The following NOL4L variants were observed in gnomAD, a reference collection of about 807,000 sequenced individuals.
The protein encoded by NOL4L is nucleolar protein 4 like.
NOL4L carries 7 observed loss-of-function variants against 64.5 expected under a neutral mutation model. The observed-to-expected ratio is 0.11, with a 90% CI of 0.06 to 0.20. The LOEUF is 0.20. Among genes scored for constraint, NOL4L ranks in the 10% least tolerant of loss-of-function variants. The pLI, the probability that NOL4L is intolerant of heterozygous loss-of-function variation, is 1.00. For missense variants in NOL4L, 680 were observed against 967.1 expected, an observed-to-expected ratio of 0.70 and a Z score of 3.94; for synonymous variants, 413 against 401.0, an observed-to-expected ratio of 1.03 and a Z score of -0.36.
intron 4 of NOL4L, among the ~76,000 whole-genome samples, chr20:32,488,900 C>CTCTT (rs1284932622): frequency 8.2e-6 from 1 of 121,538 alleles, no homozygotes; most frequent in East Asian, 2.3e-4. Flanking sequence ...TCTTTCCTCT[C>CTCTT]TCTTTCTTTC....
At position 32,488,875 on chromosome 20, in the gene NOL4L, CT is replaced by C. The variant is rs201145025; in HGVS notation, c.700-14134del. 3.5e-3 allele frequency among the ~76,000 whole-genome samples: 302 copies of C among 85,848 alleles called. 4 individuals are homozygous for C. Among genetic ancestry groups the C allele is most frequent in the African/African-American group, 0.017 (278 of 16,710 alleles). 56.3% of individuals were successfully genotyped at this position (85,848 alleles called of 152,430 possible). On this transcript the variant is annotated intron_variant, in intron 4 of 10. Transcript: ENST00000621426. ...TCTTTCTTTCTTTCTTTCTTTCTTT[CT>C]TTCTTTCTTTCTTTCTTTCCTCTCT... is the stretch of plus-strand genomic sequence containing the variant.
At chr20:32,518,024 G>A (rs1206215856) in intron 3 of NOL4L, among the ~76,000 whole-genome samples, 2 of 152,170 alleles carry the variant, frequency 1.3e-5, no homozygotes, top group African/African-American at 4.8e-5. Flanking sequence ...GAACTGCTCA[G>A]AGAGGTTCCC....
rs1265287587 is a variant in NOL4L, at chr20:32,562,175, A to C, written c.321+22395T>G. 2.6e-5 allele frequency among the ~76,000 whole-genome samples: 4 copies of C among 152,158 alleles called. No individual in the cohort carries two copies. In the East Asian group the frequency reaches 7.7e-4, roughly 29 times the overall value. On this transcript the variant is annotated intron_variant, in intron 1 of 10. Coordinates refer to ENST00000621426, the MANE Select transcript of NOL4L (RefSeq NM_001256798.2). ...CACAGTCCACTCACTGGCCATAGGCAGAACTGAGGCTCCAGGAGGAATGGC... is the reference window on the plus strand; with the variant it reads ...CACAGTCCACTCACTGGCCATAGGCCGAACTGAGGCTCCAGGAGGAATGGC...
chr20:32,582,228 C>G (rs1980525335), intron 1 of NOL4L: 1 of 152,228 alleles, frequency 6.6e-6, no homozygotes, highest in African/African-American at 2.4e-5. Context: ...TGTCGATCTC[C>G]TGGCAGCCTG....
intron 1 of NOL4L, among the ~76,000 whole-genome samples, chr20:32,531,667 T>G (rs1014925393): frequency 1.2e-4 from 18 of 152,144 alleles, no homozygotes; most frequent in Non-Finnish European, 1.5e-4. Flanking sequence ...TTTATACCTC[T>G]TGAAAGTCAG....
intron 1 of NOL4L, among the ~76,000 whole-genome samples, chr20:32,557,494 A>C (rs1978734222): frequency 6.6e-6 from 1 of 152,224 alleles, no homozygotes; most frequent in South Asian, 2.1e-4. Context: ...GGGCATGCCC[A>C]GTGCTCCAGC....
intron 4 of NOL4L, among the ~76,000 whole-genome samples, chr20:32,495,892 G>A (rs1004025393): frequency 1.3e-5 from 2 of 152,126 alleles, no homozygotes; most frequent in Non-Finnish European, 2.9e-5. Context: ...AGGAGGTCAA[G>A]GCTGCAGTGA....
At chr20:32,507,032 T>C (rs1053359610) in intron 4 of NOL4L, among the ~76,000 whole-genome samples, 2 of 152,046 alleles carry the variant, frequency 1.3e-5, no homozygotes, top group African/African-American at 4.8e-5. Flanking sequence ...CCCACAGTCC[T>C]CCAGAGGTGA....
chr20:32,502,423 T>C (rs1312666782), intron 4 of NOL4L, among the ~76,000 whole-genome samples: 1 of 150,454 alleles, frequency 6.6e-6, no homozygotes, highest in Admixed American at 6.6e-5. Context: ...TGAAACCCCG[T>C]CTCTACTGAA....
Position 32,536,219 on chromosome 20 carries a change from C to A in NOL4L, c.322-8306G>T. ...CCTCCCGGGGCACCGCAGCCTAGGACAGGGAATCGGGAGTCACCGAAGGGG... is the reference window on the plus strand; with the variant it reads ...CCTCCCGGGGCACCGCAGCCTAGGAAAGGGAATCGGGAGTCACCGAAGGGG... On this transcript the variant is annotated intron_variant, in intron 1 of 10. Coordinates refer to ENST00000621426, the MANE Select transcript of NOL4L (RefSeq NM_001256798.2). 4 of 985,510 alleles carry A rather than the reference C, an allele frequency of 4.1e-6. No individual in the cohort carries two copies. In the South Asian group the frequency reaches 1.9e-4, roughly 46 times the overall value. The allele number at this position is 985,510 out of a possible 1,614,324, so 61.0% of individuals were successfully genotyped here.
chr20:32,444,919 GGGA>G lies in NOL4L; in HGVS notation c.*2674_*2676del, dbSNP rs1420993625. 6.7e-6 allele frequency: 1 copy of G among 149,696 alleles called. No homozygotes were observed. Among genetic ancestry groups the G allele is most frequent in the Non-Finnish European group, 1.5e-5 (1 of 67,766 alleles). 9.3% of individuals were successfully genotyped at this position (149,696 alleles called of 1,614,324 possible). A position where few individuals can be genotyped will look rare whatever the true frequency, so the allele number is the denominator to read the frequency against. On this transcript the variant is annotated 3_prime_UTR_variant, in exon 11 of 11. Coordinates refer to ENST00000621426, the MANE Select transcript of NOL4L (RefSeq NM_001256798.2). Reference sequence around the variant, plus strand: ...TGGTGCCCTCCAAGTCGGGAGTAGGGGGAAGGGGTTGAAGCTGCATCTTTTAAA... The same window carrying G: ...TGGTGCCCTCCAAGTCGGGAGTAGGGAGGGGTTGAAGCTGCATCTTTTAAA...
chr20:32,447,429 A>AAAAAATG lies in NOL4L; in HGVS notation c.*166_*167insCATTTTT. On this transcript the variant is annotated 3_prime_UTR_variant, in exon 11 of 11. Transcript: ENST00000621426. ...AAAAAAAAAAAAAAAAAAAAAAAAA[A>AAAAAATG]GTGTCCTTGTGCCCAAAGTCTCAGG... 1.3e-6 allele frequency: 1 copy of AAAAAATG among 757,714 alleles called. No homozygotes were observed. The allele number at this position is 757,714 out of a possible 1,614,324, so 46.9% of individuals were successfully genotyped here.
chr20:32,491,518 G>T (rs1457973411), intron 4 of NOL4L, among the ~76,000 whole-genome samples: 1 of 152,322 alleles, frequency 6.6e-6, no homozygotes, highest in East Asian at 1.9e-4. Flanking sequence ...CGCTCTGAGG[G>T]CTGGGACAGG....
At chr20:32,474,274 C>T (rs2145482106) in intron 5 of NOL4L, among the ~76,000 whole-genome samples, 1 of 152,348 alleles carries the variant, frequency 6.6e-6, no homozygotes, top group Non-Finnish European at 1.5e-5. Context: ...CACTGTGAAC[C>T]TTCCCAGGCC....
chr20:32,483,565 G>A, intron 4 of NOL4L: 2 of 972,594 alleles, frequency 2.1e-6, no homozygotes, highest in African/African-American at 3.8e-5. Context: ...GAGCAGCGGC[G>A]GCAGCGGCGG....
chr20:32,553,623 C>T (rs1222602611), intron 1 of NOL4L, among the ~76,000 whole-genome samples: 3 of 152,198 alleles, frequency 2.0e-5, no homozygotes, highest in Non-Finnish European at 4.4e-5. Context: ...CTCCCCACCC[C>T]CAAACATACA....
intron 4 of NOL4L, among the ~76,000 whole-genome samples, chr20:32,511,061 G>T (rs1016522747): frequency 6.6e-6 from 1 of 152,158 alleles, no homozygotes; most frequent in African/African-American, 2.4e-5. Flanking sequence ...CAGGGCTGCG[G>T]CTCCCTCCCT....
At position 32,464,551 on chromosome 20, in the gene NOL4L, C is replaced by T. The variant is rs940463245; in HGVS notation, c.842-8156G>A. ...TGCCCCCTGATTTGCAGCCCCGGGG[C>T]GCCAGTTCCTCTACCCCCACAGCAT... On this transcript the variant is annotated intron_variant, in intron 5 of 10. Transcript: ENST00000621426. The surrounding 1 kb of genome is among the most constrained non-coding windows in gnomAD (Gnocchi z 5.6). Among the ~76,000 whole-genome samples, 3 of 152,200 alleles carry T rather than the reference C, an allele frequency of 2.0e-5. No individual in the cohort carries two copies. The highest frequency in any genetic ancestry group is 4.8e-5 in the African/African-American group (2 of 41,442).
chr20:32,547,006 G>C (rs2018741758), intron 1 of NOL4L, among the ~76,000 whole-genome samples: 1 of 152,204 alleles, frequency 6.6e-6, no homozygotes, highest in African/African-American at 2.4e-5. Context: ...AACTTTCAGA[G>C]GGGCTTGATT....
Sources: allele counts gnomAD v4.1 joint callset (sites outside exome capture counted in the v4.1 genomes callset), GRCh38; gene constraint gnomAD v4.1.1; non-coding constraint Gnocchi (gnomAD v3.1); transcripts MANE v1.5; gene names NCBI Gene and HGNC (gene_info 2026-07-23, HGNC 2026-07-21).